Variants in TEX101 observed in about 807,000 individuals in gnomAD.
The protein encoded by TEX101 is testis expressed 101.
Under a neutral mutation model 18.1 loss-of-function variants are expected in TEX101, and 10 were observed. That is an observed-to-expected ratio of 0.55 (90% confidence interval 0.34 to 0.94). The LOEUF (loss-of-function observed/expected upper bound fraction) is 0.94. TEX101 is among the 40% of genes least tolerant of loss of function. TEX101 has a pLI of 0.02. For missense variants in TEX101, 259 were observed against 298.9 expected (o/e 0.87, Z 0.98); for synonymous variants, 94 against 114.8 (o/e 0.82, Z 1.16).
upstream of TEX101, among the ~76,000 whole-genome samples, chr19:43,410,366 A>G (rs1449560276): frequency 6.6e-6 from 1 of 152,172 alleles, no homozygotes; most frequent in African/African-American, 2.4e-5. Flanking sequence ...GTGTGAGCAA[A>G]GCCAAAGAGG....
the TEX101 span, among the ~76,000 whole-genome samples, chr19:43,391,307 T>C: frequency 1.3e-5 from 2 of 152,208 alleles, no homozygotes; most frequent in Non-Finnish European, 2.9e-5. Flanking sequence ...GATTAATTTT[T>C]TGAGAAACGA....
At chr19:43,407,881 G>A (rs577477403) in intron 3 of TEX101, among the ~76,000 whole-genome samples, 66 of 152,320 alleles carry the variant, frequency 4.3e-4, no homozygotes, top group Non-Finnish European at 7.8e-4. Flanking sequence ...CGCCCTTCAC[G>A]CAAGGCCCAT....
chr19:43,392,100 G>C, the TEX101 span, among the ~76,000 whole-genome samples: 1 of 152,234 alleles, frequency 6.6e-6, no homozygotes, highest in Admixed American at 6.5e-5. Context: ...TGGAGAGAGA[G>C]AGAAAATGAT....
At chr19:43,397,352 A>T (rs972685857), upstream of TEX101, among the ~76,000 whole-genome samples, 1 of 152,022 alleles carries the variant, frequency 6.6e-6, no homozygotes, top group African/African-American at 2.4e-5. Context: ...GGTGTCTTTC[A>T]TCTACTCTTT....
At position 43,418,323 on chromosome 19, in the gene TEX101, T is replaced by C; in HGVS notation, c.676T>C (p.Cys226Arg). 6.2e-7 allele frequency: 1 copy of C among 1,614,222 alleles called. No homozygotes were observed. The highest frequency in any genetic ancestry group is 8.5e-7 in the Non-Finnish European group (1 of 1,180,044). The change falls in exon 6 of 6, where the codon TGT becomes CGT. Residue 226 changes from cysteine to arginine, a missense_variant. Physicochemically the swap from Cys to Arg is radical, Grantham distance 180. Coordinates refer to ENST00000598265, the MANE Select transcript of TEX101 (RefSeq NM_001130011.3). ...QPRKTENGAT[C>R]LPIPVWGLQL... ...TCGAAAGACTGAAAATGGGGCCACC[T>C]GTCTTCCCATTCCTGTTTGGGGGTT...
At chr19:43,389,535 G>A in the TEX101 span, among the ~76,000 whole-genome samples, 1 of 152,176 alleles carries the variant, frequency 6.6e-6, no homozygotes, top group Non-Finnish European at 1.5e-5. Context: ...CTGTGGTTTG[G>A]TCCTTGCCCT....
chr19:43,411,347 A>G (rs1339602406), upstream of TEX101, among the ~76,000 whole-genome samples: 4 of 152,164 alleles, frequency 2.6e-5, no homozygotes, highest in African/African-American at 9.7e-5. Context: ...AAGTGCTGGG[A>G]TTACAGGCCT....
chr19:43,414,751 A>C, upstream of TEX101: 1 of 802,468 alleles, frequency 1.2e-6, no homozygotes, highest in East Asian at 1.3e-4. Flanking sequence ...ACCCTCCGAG[A>C]TTGCCAGGAA....
At chr19:43,416,587 G>A in intron 4 of TEX101, 32 bp downstream of exon 4, 1 of 1,595,530 alleles carries the variant, frequency 6.3e-7, no homozygotes, top group Non-Finnish European at 8.5e-7. Context: ...TAGGTACTAA[G>A]AGAAACTCCA....
At chr19:43,388,612 T>C in the TEX101 span, among the ~76,000 whole-genome samples, 8 of 151,930 alleles carry the variant, frequency 5.3e-5, no homozygotes, top group African/African-American at 1.9e-4. Context: ...ACTGGGTGAA[T>C]TTAGGATGAA....
chr19:43,400,483 T>C (rs1201958274), upstream of TEX101, among the ~76,000 whole-genome samples: 1 of 152,240 alleles, frequency 6.6e-6, no homozygotes, highest in Non-Finnish European at 1.5e-5. Context: ...CATAATTACT[T>C]ATTTGCTATT....
intron 2 of TEX101, among the ~76,000 whole-genome samples, chr19:43,405,232 T>C (rs1970350105): frequency 5.9e-5 from 9 of 152,094 alleles, no homozygotes; most frequent in Admixed American, 5.9e-4. Context: ...GTGCTGGAAT[T>C]TCTAGCCTAT....
upstream of TEX101, among the ~76,000 whole-genome samples, chr19:43,397,868 A>T (rs1304225501): frequency 2.1e-4 from 14 of 67,332 alleles, no homozygotes; most frequent in East Asian, 2.2e-3. Flanking sequence ...TAAATATATA[A>T]TATATAAAAA....
the TEX101 span, among the ~76,000 whole-genome samples, chr19:43,389,510 G>A: frequency 2.0e-5 from 3 of 152,190 alleles, no homozygotes; most frequent in South Asian, 2.1e-4. Context: ...GATCTTGACC[G>A]GAGCTGTCCT....
At chr19:43,395,245 A>G in the TEX101 span, among the ~76,000 whole-genome samples, 1 of 152,362 alleles carries the variant, frequency 6.6e-6, no homozygotes, top group African/African-American at 2.4e-5. Context: ...AAACACCTTC[A>G]GAAAAGGAAA....
At chr19:43,390,460 CTTT>C in the TEX101 span, among the ~76,000 whole-genome samples, 7 of 49,854 alleles carry the variant, frequency 1.4e-4, no homozygotes, top group South Asian at 1.1e-3. Flanking sequence ...CTTTTTTTTT[CTTT>C]TTTTTTTTTT....
chr19:43,397,836 T>TTATATAAATATATAATA (rs1313373746), upstream of TEX101, among the ~76,000 whole-genome samples: 370 of 112,464 alleles, frequency 3.3e-3, 17 homozygotes, highest in African/African-American at 0.012. Flanking sequence ...AATATATATT[T>TTATATAAATATATAATA]TATATAAATA....
upstream of TEX101, among the ~76,000 whole-genome samples, chr19:43,413,540 G>A (rs746108966): frequency 1.2e-4 from 18 of 151,314 alleles, no homozygotes; most frequent in Non-Finnish European, 1.8e-4. Flanking sequence ...CAGGGAGCTC[G>A]GCTCTTAAGA....
chr19:43,406,329 C>T (rs764195790), exon 3 of TEX101: 18 of 574,354 alleles, frequency 3.1e-5, no homozygotes, highest in South Asian at 3.1e-4. Flanking sequence ...GTGACGCGCG[C>T]GAATGGATAG....
Sources: allele counts gnomAD v4.1 joint callset (sites outside exome capture counted in the v4.1 genomes callset), GRCh38; gene constraint gnomAD v4.1.1; transcripts MANE v1.5; gene names NCBI Gene and HGNC (gene_info 2026-07-23, HGNC 2026-07-21).